ZNF600: variants seen among roughly 807,000 people sequenced by gnomAD.
The protein encoded by ZNF600 is zinc finger protein KR-ZNF1.
Under a neutral mutation model 7.3 loss-of-function variants are expected in ZNF600, and 4 were observed. That is an observed-to-expected ratio of 0.55 (90% CI 0.27 to 1.25). The LOEUF (loss-of-function observed/expected upper bound fraction) is 1.25, where lower values mean the gene tolerates loss of function less well. ZNF600 is among the 50% of genes most tolerant of loss of function. The pLI, the probability that ZNF600 is intolerant of heterozygous loss-of-function variation, is 0.12. For missense variants in ZNF600, 911 were observed against 922.1 expected (o/e 0.99, Z 0.16); for synonymous variants, 290 against 308.9 (o/e 0.94, Z 0.64).
At chr19:52,833,435 G>C in the ZNF600 span, among the ~76,000 whole-genome samples, 1 of 152,144 alleles carries the variant, frequency 6.6e-6, no homozygotes, top group Admixed American at 6.6e-5. Context: ...GGGTGAGTGT[G>C]AGTGAACCTG....
At chr19:52,767,224 T>G in exon 4 of ZNF600, 1 of 1,614,194 alleles carries the variant, frequency 6.2e-7, no homozygotes, top group Non-Finnish European at 8.5e-7. Context: ...TGGTGTTTCC[T>G]TAAGAGTGAG....
chr19:52,810,439 C>T, the ZNF600 span: 5 of 1,599,212 alleles, frequency 3.1e-6, no homozygotes, highest in Non-Finnish European at 4.3e-6. Flanking sequence ...AAAGGGTTTG[C>T]ATATATAGAG....
At chr19:52,799,959 T>A in the ZNF600 span, 2 of 1,613,184 alleles carry the variant, frequency 1.2e-6, no homozygotes, top group Non-Finnish European at 8.5e-7. Flanking sequence ...CTCTCCAGTA[T>A]GAAGCCTACG....
At chr19:52,801,453 G>A in the ZNF600 span, 38 of 1,614,166 alleles carry the variant, frequency 2.4e-5, 1 homozygote, top group East Asian at 8.5e-4. Context: ...CTTGTTTCCA[G>A]CATGCCTTTG....
the ZNF600 span, among the ~76,000 whole-genome samples, chr19:52,817,175 C>A: frequency 2.0e-5 from 3 of 152,032 alleles, no homozygotes; most frequent in Non-Finnish European, 4.4e-5. Context: ...GAGTTTGAGA[C>A]CAGCCTGATC....
At chr19:52,810,777 A>C in the ZNF600 span, 680 of 499,256 alleles carry the variant, frequency 1.4e-3, 14 homozygotes, top group South Asian at 8.1e-3. Context: ...ATAAAAAAAA[A>C]CCCAAAAAAA....
chr19:52,796,393 G>C, the ZNF600 span, among the ~76,000 whole-genome samples: 16 of 152,148 alleles, frequency 1.1e-4, no homozygotes, highest in Non-Finnish European at 2.2e-4. Flanking sequence ...GGAATTGGGG[G>C]GCTTCCGGGT....
At chr19:52,831,085 C>T in the ZNF600 span, among the ~76,000 whole-genome samples, 2 of 152,070 alleles carry the variant, frequency 1.3e-5, no homozygotes, top group Non-Finnish European at 2.9e-5. Flanking sequence ...GCCTCTGATA[C>T]CTAGTTTCAA....
the ZNF600 span, among the ~76,000 whole-genome samples, chr19:52,813,496 T>C: frequency 2.5e-5 from 3 of 121,792 alleles, no homozygotes; most frequent in Non-Finnish European, 4.9e-5. Flanking sequence ...TAGGAGGTTT[T>C]TTTTTTTACC....
intron 3 of ZNF600, among the ~76,000 whole-genome samples, chr19:52,774,100 T>C (rs1244359579): frequency 2.0e-5 from 3 of 152,074 alleles, no homozygotes; most frequent in East Asian, 1.9e-4. Context: ...AAATGTGGTA[T>C]ACACATACAA....
chr19:52,801,195 C>T, the ZNF600 span: 441 of 1,614,114 alleles, frequency 2.7e-4, 3 homozygotes, highest in African/African-American at 5.3e-3. Context: ...ACTCTCAATA[C>T]ATTGGAAAGA....
chr19:52,791,482 G>T (rs1002444122), upstream of ZNF600, among the ~76,000 whole-genome samples: 7 of 152,154 alleles, frequency 4.6e-5, no homozygotes, highest in African/African-American at 1.7e-4. Context: ...AATCCAAAGA[G>T]GAATATCACT....
chr19:52,787,925 T>A (rs1323533220), upstream of ZNF600, among the ~76,000 whole-genome samples: 2 of 151,442 alleles, frequency 1.3e-5, no homozygotes, highest in Admixed American at 6.6e-5. Context: ...TTTTCCAGAA[T>A]TTACCAGATA....
chr19:52,784,991 T>C (rs2062752158), intron 1 of ZNF600, among the ~76,000 whole-genome samples: 1 of 152,070 alleles, frequency 6.6e-6, no homozygotes, highest in South Asian at 2.1e-4. Flanking sequence ...TTTGCCTCAG[T>C]CTCCTAAAGT....
chr19:52,765,247 G>A, exon 4 of ZNF600: 1 of 569,636 alleles, frequency 1.8e-6, no homozygotes, highest in South Asian at 1.4e-5. Context: ...CCACACTTCT[G>A]ACATTTGTAA....
exon 4 of ZNF600, chr19:52,766,158 T>C (rs766352788): frequency 6.2e-7 from 1 of 1,614,010 alleles, no homozygotes; most frequent in African/African-American, 1.3e-5. Flanking sequence ...ACTGAAGGTC[T>C]TGCTGCACTC....
exon 1 of ZNF600, chr19:52,786,599 A>G (rs1410316616): frequency 5.7e-6 from 1 of 175,790 alleles, no homozygotes; most frequent in Non-Finnish European, 1.3e-5. Context: ...TCTTACCGGG[A>G]CGTCTCAATT....
At chr19:52,777,500 C>T (rs2062685631) in intron 2 of ZNF600, among the ~76,000 whole-genome samples, 2 of 152,056 alleles carry the variant, frequency 1.3e-5, no homozygotes, top group Admixed American at 6.6e-5. Context: ...ATGATTGCAC[C>T]ACTGCACTCC....
At chr19:52,804,502 C>T in the ZNF600 span, among the ~76,000 whole-genome samples, 1 of 151,952 alleles carries the variant, frequency 6.6e-6, no homozygotes, top group African/African-American at 2.4e-5. Flanking sequence ...TCCCAAGTAG[C>T]TGGGATTACA....
Sources: allele counts gnomAD v4.1 joint callset (sites outside exome capture counted in the v4.1 genomes callset), GRCh38; gene constraint gnomAD v4.1.1; transcripts MANE v1.5; gene names NCBI Gene and HGNC (gene_info 2026-07-23, HGNC 2026-07-21).